The following BORCS5 variants were observed in gnomAD, a reference collection of about 807,000 sequenced individuals.
BORCS5 encodes BLOC-1-related complex subunit 5.
In BORCS5, 17 loss-of-function variants were observed where a neutral mutation model predicts 22.1. The observed-to-expected ratio is 0.77, with a 90% CI of 0.53 to 1.15. BORCS5 has a LOEUF of 1.15. BORCS5 is among the 50% of genes most tolerant of loss of function. The pLI is 0.00. For synonymous variants in BORCS5, 117 were observed against 99.8 expected, an observed-to-expected ratio of 1.17 and a Z score of -1.03; for missense variants, 247 against 253.2, an observed-to-expected ratio of 0.98 and a Z score of 0.17.
At chr12:12,374,507 G>T (rs942334135) in intron 2 of BORCS5, among the ~76,000 whole-genome samples, 16 of 151,824 alleles carry the variant, frequency 1.1e-4, no homozygotes, top group African/African-American at 3.6e-4. Flanking sequence ...AGGTGTGGTG[G>T]TGTGCACCTG....
intron 2 of BORCS5, among the ~76,000 whole-genome samples, chr12:12,369,574 C>T (rs1389796567): frequency 1.3e-5 from 2 of 151,720 alleles, no homozygotes; most frequent in Non-Finnish European, 1.5e-5. Context: ...TACTCCTTTG[C>T]ATTATTTTTT....
At chr12:12,360,129 C>T (rs1341476213) in intron 1 of BORCS5, among the ~76,000 whole-genome samples, 1 of 151,980 alleles carries the variant, frequency 6.6e-6, no homozygotes. Context: ...TTTGGGAGGC[C>T]GAGGTGGGTG....
At chr12:12,407,587 C>T (rs111252153) in intron 2 of BORCS5, among the ~76,000 whole-genome samples, 14 of 152,180 alleles carry the variant, frequency 9.2e-5, no homozygotes, top group East Asian at 3.9e-4. Context: ...CTTCCATCTC[C>T]GGAACTTCTC....
At chr12:12,392,935 T>TA (rs1204589507) in intron 2 of BORCS5, among the ~76,000 whole-genome samples, 1 of 151,848 alleles carries the variant, frequency 6.6e-6, no homozygotes, top group East Asian at 1.9e-4. Flanking sequence ...ATCTCCTTCA[T>TA]AAAAAAAGGT....
intron 2 of BORCS5, among the ~76,000 whole-genome samples, chr12:12,363,364 C>T (rs1304901121): frequency 6.6e-6 from 1 of 151,738 alleles, no homozygotes; most frequent in African/African-American, 2.4e-5. Flanking sequence ...CTTTGGGAGG[C>T]CGAGGTGGGT....
intron 2 of BORCS5, among the ~76,000 whole-genome samples, chr12:12,378,632 G>T (rs1483532867): frequency 2.8e-5 from 4 of 144,012 alleles, no homozygotes; most frequent in African/African-American, 1.0e-4. Context: ...GAGACATGCA[G>T]TGTGGGTCCT....
At chr12:12,424,460 T>C (rs1172407680) in intron 2 of BORCS5, among the ~76,000 whole-genome samples, 2 of 152,212 alleles carry the variant, frequency 1.3e-5, no homozygotes, top group Non-Finnish European at 2.9e-5. Flanking sequence ...CCATGTCTCC[T>C]TTAGCTCTTT....
At position 12,435,558 on chromosome 12, in the gene BORCS5, G is replaced by C. The variant is rs919480397; in HGVS notation, c.203-70G>C. 55 of 1,347,448 alleles carry C rather than the reference G, an allele frequency of 4.1e-5. 1 individual carries two copies. Among genetic ancestry groups the C allele is most frequent in the African/African-American group, 3.5e-4 (24 of 68,496 alleles). The allele number at this position is 1,347,448 out of a possible 1,614,324, so 83.5% of individuals were successfully genotyped here. A position where few individuals can be genotyped will look rare whatever the true frequency, so the allele number is the denominator to read the frequency against. On this transcript the variant is annotated intron_variant, in intron 2 of 3. Coordinates refer to ENST00000314565, the MANE Select transcript of BORCS5 (RefSeq NM_058169.6). ...GTCTTACCCTGTCTTCAGTGAACTTGTTAAACTACTTTATTCACAAGTTTA... is the reference window on the plus strand; with the variant it reads ...GTCTTACCCTGTCTTCAGTGAACTTCTTAAACTACTTTATTCACAAGTTTA...
intron 2 of BORCS5, among the ~76,000 whole-genome samples, chr12:12,373,519 TA>T (rs1406825049): frequency 6.6e-6 from 1 of 152,234 alleles, no homozygotes; most frequent in Non-Finnish European, 1.5e-5. Context: ...AGTTGTTTAT[TA>T]TTGCATAATA....
At chr12:12,435,944 G>T in intron 3 of BORCS5, 159 bp downstream of exon 3, 2 of 663,920 alleles carry the variant, frequency 3.0e-6, no homozygotes, top group Non-Finnish European at 2.4e-6. Flanking sequence ...CCACAGAGCT[G>T]GGCTAATTTA....
At chr12:12,383,628 T>A (rs1025120777) in intron 2 of BORCS5, among the ~76,000 whole-genome samples, 1 of 151,046 alleles carries the variant, frequency 6.6e-6, no homozygotes, top group Non-Finnish European at 1.5e-5. Flanking sequence ...GGGATAAATT[T>A]GATTGAAATG....
In BORCS5 at chr12:12,361,285, C is replaced by T. The variant is rs577623740; in HGVS notation, c.138C>T (p.Asn46=). Residue 46 remains asparagine (N), a synonymous_variant, in exon 2 of 4, where the codon AAC becomes AAT. Transcript: ENST00000314565. ...CTCAGGGCTCCCAGGCCTCACGGAACGTCAGCAACGATCCCGATGTCATCA... is the reference window on the plus strand; with the variant it reads ...CTCAGGGCTCCCAGGCCTCACGGAATGTCAGCAACGATCCCGATGTCATCA... ...VVAQGSQASR[N]VSNDPDVIKL... is the part of the protein sequence containing the mutation. The T allele has an allele frequency of 2.5e-5, 40 of 1,614,128 alleles. No individual in the cohort carries two copies. The South Asian group carries it at 2.5e-4, about 10-fold the overall frequency.
chr12:12,450,619 A>T (rs772371942), intron 3 of BORCS5, among the ~76,000 whole-genome samples: 1 of 152,246 alleles, frequency 6.6e-6, no homozygotes, highest in Admixed American at 6.5e-5. Flanking sequence ...GGCATTAAAC[A>T]CACTGCTCAA....
intron 3 of BORCS5, among the ~76,000 whole-genome samples, chr12:12,438,141 A>G (rs1345118052): frequency 6.6e-6 from 1 of 152,084 alleles, no homozygotes. Context: ...TATTCTTTTT[A>G]AAAAGTCCTT....
At chr12:12,403,168 C>G (rs931458650) in intron 2 of BORCS5, among the ~76,000 whole-genome samples, 2 of 152,060 alleles carry the variant, frequency 1.3e-5, no homozygotes, top group Non-Finnish European at 2.9e-5. Flanking sequence ...GGTGCTGAGG[C>G]TCAGAGAGAT....
At chr12:12,377,176 C>G (rs1015290481) in intron 2 of BORCS5, among the ~76,000 whole-genome samples, 6 of 140,054 alleles carry the variant, frequency 4.3e-5, no homozygotes, top group Admixed American at 7.2e-5. Context: ...AGATTTTGTC[C>G]TTTTTTTTTT....
intron 3 of BORCS5, chr12:12,452,033 T>G (rs183079381): frequency 0.014 from 5,255 of 366,272 alleles, 81 homozygotes; most frequent in South Asian, 0.034. Flanking sequence ...TTGACTGTCC[T>G]CCTCTATTTT....
intron 2 of BORCS5, among the ~76,000 whole-genome samples, chr12:12,423,692 T>TTTTGTTTGTTTG (rs57015751): frequency 8.6e-5 from 13 of 150,966 alleles, no homozygotes; most frequent in African/African-American, 1.5e-4. Context: ...CTCGTTGTCT[T>TTTTGTTTGTTTG]TTTGTTTGTT....
intron 2 of BORCS5, among the ~76,000 whole-genome samples, chr12:12,428,412 C>T (rs189385169): frequency 6.6e-6 from 1 of 152,332 alleles, no homozygotes; most frequent in Non-Finnish European, 1.5e-5. Context: ...CTCCCTGGAG[C>T]CTACTCCTCA....
Sources: gnomAD v4.1 joint callset for allele counts (sites outside exome capture counted in the v4.1 genomes callset) on GRCh38, gnomAD v4.1.1 for gene constraint, MANE v1.5 for transcripts, NCBI Gene and HGNC (gene_info 2026-07-23, HGNC 2026-07-21) for gene names.